The following GPHN variants were observed in gnomAD, a reference collection of about 807,000 sequenced individuals.
GPHN encodes the protein gephyrin.
Under a neutral mutation model 95.5 loss-of-function variants are expected in GPHN, and 17 were observed. That is an observed-to-expected ratio of 0.18 (90% confidence interval 0.12 to 0.27). The LOEUF (loss-of-function observed/expected upper bound fraction) is 0.27. Ranked by LOEUF, GPHN falls within the 10% of genes least tolerant of loss-of-function variation. The pLI is 1.00. For synonymous variants in GPHN, 320 were observed against 322.5 expected (o/e 0.99, Z 0.08); for missense variants, 660 against 978.1 (o/e 0.67, Z 4.34).
intron 9 of GPHN, among the ~76,000 whole-genome samples, chr14:66,967,370 A>C (rs1350337795): frequency 1.3e-5 from 2 of 151,968 alleles, no homozygotes; most frequent in Non-Finnish European, 2.9e-5. Context: ...AGGTCTCATA[A>C]ATCATAAGAC....
the GPHN span, among the ~76,000 whole-genome samples, chr14:67,564,609 C>G: frequency 6.6e-6 from 1 of 151,944 alleles, no homozygotes; most frequent in Non-Finnish European, 1.5e-5. Context: ...AGGCATGCAC[C>G]ACCATGCCTG....
At chr14:67,660,748 TG>T in the GPHN span, among the ~76,000 whole-genome samples, 1 of 152,370 alleles carries the variant, frequency 6.6e-6, no homozygotes, top group South Asian at 2.1e-4. Context: ...TATTTTCATC[TG>T]CCTGGAATGG....
chr14:67,046,553 A>G (rs1188930664), intron 10 of GPHN, among the ~76,000 whole-genome samples: 3 of 152,218 alleles, frequency 2.0e-5, no homozygotes, highest in Non-Finnish European at 4.4e-5. Flanking sequence ...ATTGATATAA[A>G]TTATGAAGCT....
chr14:67,717,461 G>C, the GPHN span, among the ~76,000 whole-genome samples: 95 of 152,358 alleles, frequency 6.2e-4, no homozygotes, highest in Non-Finnish European at 3.7e-4. Flanking sequence ...GCTGTGGACA[G>C]TAAGCAGGTT....
At chr14:67,499,003 A>AT in the GPHN span, among the ~76,000 whole-genome samples, 43 of 145,132 alleles carry the variant, frequency 3.0e-4, no homozygotes, top group Middle Eastern at 3.6e-3. Context: ...TTATTTATTT[A>AT]TTAGTTATTT....
At chr14:67,390,610 T>C in the GPHN span, 2 of 1,217,052 alleles carry the variant, frequency 1.6e-6, no homozygotes. Context: ...AGGAGAGGAG[T>C]GTCTGGGGGC....
At chr14:67,180,303 A>G (rs1302572836) in intron 22 of GPHN, among the ~76,000 whole-genome samples, 1 of 152,216 alleles carries the variant, frequency 6.6e-6, no homozygotes, top group Non-Finnish European at 1.5e-5. Context: ...GGGCTTTGCC[A>G]TCAGAGAGAA....
the GPHN span, chr14:67,676,869 A>T: frequency 1.1e-4 from 17 of 152,362 alleles, 1 homozygote; most frequent in South Asian, 2.5e-3. Context: ...ATAATCAAAA[A>T]GAATTTTTAT....
chr14:67,339,185 C>T, the GPHN span, among the ~76,000 whole-genome samples: 7 of 151,962 alleles, frequency 4.6e-5, no homozygotes, highest in South Asian at 2.1e-4. Flanking sequence ...TTAGTAGAGA[C>T]GGAGGGTTTC....
the GPHN span, among the ~76,000 whole-genome samples, chr14:67,369,413 G>A: frequency 6.6e-6 from 1 of 152,220 alleles, no homozygotes; most frequent in Non-Finnish European, 1.5e-5. Flanking sequence ...TATAATCATA[G>A]TTGGAAGTTT....
At chr14:67,249,191 A>G in the GPHN span, among the ~76,000 whole-genome samples, 240 of 151,030 alleles carry the variant, frequency 1.6e-3, 2 homozygotes, top group Non-Finnish European at 2.8e-3. Flanking sequence ...TGAACTCCTG[A>G]CCTCAGGTGA....
chr14:67,685,107 G>C, the GPHN span: 1 of 1,614,156 alleles, frequency 6.2e-7, no homozygotes, highest in Non-Finnish European at 8.5e-7. Flanking sequence ...TGATGAAAAA[G>C]GAGAAAAGCC....
the GPHN span, among the ~76,000 whole-genome samples, chr14:67,595,391 G>GT: frequency 6.6e-6 from 1 of 152,132 alleles, no homozygotes; most frequent in African/African-American, 2.4e-5. Flanking sequence ...TCAAACCATC[G>GT]TAAGTTGGGA....
chr14:66,644,836 T>C (rs1487186564), intron 1 of GPHN, among the ~76,000 whole-genome samples: 1 of 152,166 alleles, frequency 6.6e-6, no homozygotes, highest in Non-Finnish European at 1.5e-5. Context: ...TATAAGTTTT[T>C]CAAAGTTTTG....
intron 1 of GPHN, among the ~76,000 whole-genome samples, chr14:66,570,948 T>G (rs563423681): frequency 1.3e-5 from 2 of 152,148 alleles, no homozygotes; most frequent in Admixed American, 6.5e-5. Context: ...CTTTAGCCTG[T>G]TTTTTAACCT....
intron 10 of GPHN, among the ~76,000 whole-genome samples, chr14:67,029,696 T>C (rs1349578570): frequency 1.3e-5 from 2 of 152,240 alleles, no homozygotes; most frequent in Non-Finnish European, 2.9e-5. Context: ...TTAGTGAAGA[T>C]ACATTAACTA....
chr14:67,522,241 A>T, the GPHN span, among the ~76,000 whole-genome samples: 1 of 152,302 alleles, frequency 6.6e-6, no homozygotes, highest in South Asian at 2.1e-4. Flanking sequence ...CATTCCACAC[A>T]TATCCCCGTA....
chr14:66,959,444 A>G (rs1347176855), intron 8 of GPHN, among the ~76,000 whole-genome samples: 1 of 152,056 alleles, frequency 6.6e-6, no homozygotes, highest in Non-Finnish European at 1.5e-5. Flanking sequence ...ATTTTTTTGT[A>G]GGGCAGATTT....
chr14:67,712,899 CT>C, the GPHN span, among the ~76,000 whole-genome samples: 15 of 149,194 alleles, frequency 1.0e-4, no homozygotes, highest in Admixed American at 1.3e-4. Flanking sequence ...GTTCCCTTCT[CT>C]TTTTTTTTTC....
Sources: gnomAD v4.1 joint callset for allele counts (sites outside exome capture counted in the v4.1 genomes callset) on GRCh38, gnomAD v4.1.1 for gene constraint, MANE v1.5 for transcripts, NCBI Gene and HGNC (gene_info 2026-07-23, HGNC 2026-07-21) for gene names.